Variants in CDKAL1 observed in about 807,000 individuals in gnomAD.
The protein encoded by CDKAL1 is CDKAL1 threonylcarbamoyladenosine tRNA methylthiotransferase.
In CDKAL1, 32 loss-of-function variants were observed where a neutral mutation model predicts 68.2. The observed-to-expected ratio is 0.47, with a 90% CI of 0.35 to 0.63. The LOEUF (loss-of-function observed/expected upper bound fraction) is 0.63, where lower values mean the gene tolerates loss of function less well. Among genes scored for constraint, CDKAL1 ranks in the 30% least tolerant of loss-of-function variants. The pLI is 0.00. For missense variants in CDKAL1, 606 were observed against 696.7 expected, an observed-to-expected ratio of 0.87 and a Z score of 1.47; for synonymous variants, 234 against 244.3, an observed-to-expected ratio of 0.96 and a Z score of 0.39.
chr6:20,574,124 G>T (rs1304466718), intron 4 of CDKAL1, among the ~76,000 whole-genome samples: 1 of 152,086 alleles, frequency 6.6e-6, no homozygotes, highest in Non-Finnish European at 1.5e-5. Context: ...CTCATGGATT[G>T]TTTCATAAAG....
chr6:21,160,422 T>C (rs972221618), intron 13 of CDKAL1, among the ~76,000 whole-genome samples: 2 of 151,496 alleles, frequency 1.3e-5, no homozygotes, highest in African/African-American at 4.8e-5. Flanking sequence ...TTCAGCCTCC[T>C]GAGTAGCTGG....
intron 5 of CDKAL1, among the ~76,000 whole-genome samples, chr6:20,690,818 A>G (rs151221685): frequency 6.6e-6 from 1 of 152,306 alleles, no homozygotes; most frequent in African/African-American, 2.4e-5. Context: ...TAACTTTCAG[A>G]TCTTGAGAGC....
chr6:20,842,331 T>A (rs1778205006), intron 8 of CDKAL1, among the ~76,000 whole-genome samples: 1 of 152,164 alleles, frequency 6.6e-6, no homozygotes, highest in Non-Finnish European at 1.5e-5. Context: ...GTTGGTACTG[T>A]TATAGCAAGT....
chr6:20,553,431 C>T (rs1278748506), intron 4 of CDKAL1, among the ~76,000 whole-genome samples: 4 of 151,962 alleles, frequency 2.6e-5, no homozygotes, highest in African/African-American at 9.7e-5. Context: ...ATTGCTTGAA[C>T]CCAGGAGGCG....
chr6:20,775,651 TG>T (rs1775140646), intron 7 of CDKAL1, among the ~76,000 whole-genome samples: 1 of 152,236 alleles, frequency 6.6e-6, no homozygotes, highest in African/African-American at 2.4e-5. Flanking sequence ...TCCAAAGACT[TG>T]CTTCCTTTAA....
chr6:20,680,059 A>C (rs1344337221), intron 5 of CDKAL1, among the ~76,000 whole-genome samples: 1 of 149,062 alleles, frequency 6.7e-6, no homozygotes. Context: ...TTTGACTTTT[A>C]ATTTTTTTTA....
At chr6:20,866,030 G>C (rs1357723716) in intron 9 of CDKAL1, among the ~76,000 whole-genome samples, 1 of 152,156 alleles carries the variant, frequency 6.6e-6, no homozygotes, top group Non-Finnish European at 1.5e-5. Context: ...AATTGTATTT[G>C]TGATCTGCTC....
intron 9 of CDKAL1, among the ~76,000 whole-genome samples, chr6:20,890,540 T>A (rs1225540260): frequency 6.6e-6 from 1 of 152,240 alleles, no homozygotes; most frequent in Non-Finnish European, 1.5e-5. Flanking sequence ...TGTAATTTTA[T>A]ACAATCTGAT....
chr6:21,182,932 A>T (rs1216252337), intron 13 of CDKAL1, among the ~76,000 whole-genome samples: 1 of 152,166 alleles, frequency 6.6e-6, no homozygotes, highest in East Asian at 1.9e-4. Context: ...AAGCAAGCTT[A>T]AAAAAATCAT....
At chr6:21,064,491 A>G (rs923867817) in intron 11 of CDKAL1, among the ~76,000 whole-genome samples, 16 of 152,334 alleles carry the variant, frequency 1.1e-4, no homozygotes, top group African/African-American at 3.8e-4. Flanking sequence ...AGTCTGGAAA[A>G]CATCAACATA....
At chr6:20,791,033 C>T (rs1022943437) in intron 8 of CDKAL1, among the ~76,000 whole-genome samples, 4 of 152,110 alleles carry the variant, frequency 2.6e-5, no homozygotes, top group African/African-American at 7.2e-5. Context: ...GTTCTCAATC[C>T]GGTCCGTGGA....
intron 15 of CDKAL1, among the ~76,000 whole-genome samples, chr6:21,230,451 C>T (rs1039173587): frequency 3.9e-5 from 6 of 152,214 alleles, no homozygotes; most frequent in Non-Finnish European, 7.3e-5. Flanking sequence ...CGTGAGCCAC[C>T]ACACCTGGCC....
At chr6:20,818,588 A>G (rs1777144680) in intron 8 of CDKAL1, among the ~76,000 whole-genome samples, 1 of 152,020 alleles carries the variant, frequency 6.6e-6, no homozygotes, top group Non-Finnish European at 1.5e-5. Context: ...GTGTGGTTAT[A>G]TAGTTGCCCA....
At chr6:20,907,983 T>C (rs1762306572) in intron 9 of CDKAL1, among the ~76,000 whole-genome samples, 1 of 152,114 alleles carries the variant, frequency 6.6e-6, no homozygotes, top group Non-Finnish European at 1.5e-5. Flanking sequence ...TGTCACCACT[T>C]CTCCCCATAA....
At chr6:20,593,639 A>G (rs1765692030) in intron 4 of CDKAL1, among the ~76,000 whole-genome samples, 1 of 138,404 alleles carries the variant, frequency 7.2e-6, no homozygotes, top group South Asian at 2.3e-4. Flanking sequence ...TCCTGGATTC[A>G]TTGATTTTTT....
intron 9 of CDKAL1, among the ~76,000 whole-genome samples, chr6:20,910,142 C>G (rs1762402812): frequency 6.6e-6 from 1 of 152,126 alleles, no homozygotes; most frequent in African/African-American, 2.4e-5. Flanking sequence ...CCATTGCTTC[C>G]CAGATGTCTT....
intron 10 of CDKAL1, among the ~76,000 whole-genome samples, chr6:20,963,852 T>G (rs1362632481): frequency 1.3e-5 from 2 of 152,190 alleles, no homozygotes; most frequent in Admixed American, 6.5e-5. Flanking sequence ...CATGAGAGAA[T>G]AAATCTAGTG....
intron 5 of CDKAL1, among the ~76,000 whole-genome samples, chr6:20,705,127 G>A (rs974463928): frequency 2.0e-5 from 3 of 152,174 alleles, no homozygotes; most frequent in Non-Finnish European, 2.9e-5. Flanking sequence ...TCAAGTTCCT[G>A]TAATTGCAGA....
chr6:21,082,096 A>C (rs1201626995), intron 12 of CDKAL1, among the ~76,000 whole-genome samples: 1 of 152,176 alleles, frequency 6.6e-6, no homozygotes, highest in Non-Finnish European at 1.5e-5. Flanking sequence ...TTATTTCATA[A>C]TTAAGGACAA....
Sources: gnomAD v4.1 joint callset for allele counts (sites outside exome capture counted in the v4.1 genomes callset) on GRCh38, gnomAD v4.1.1 for gene constraint, MANE v1.5 for transcripts, NCBI Gene and HGNC (gene_info 2026-07-23, HGNC 2026-07-21) for gene names.